ITGA11: variants seen among roughly 807,000 people sequenced by gnomAD.
ITGA11 encodes the protein integrin subunit alpha 11, also known as integrin alpha-11.
Under a neutral mutation model 141.9 loss-of-function variants are expected in ITGA11, and 97 were observed. That is an observed-to-expected ratio of 0.68 (90% CI 0.58 to 0.81). ITGA11 has a LOEUF of 0.81. Ranked by LOEUF, ITGA11 falls within the 30% of genes least tolerant of loss-of-function variation. The probability of loss-of-function intolerance (pLI) is 0.00; values close to 1 mark genes in which losing one functional copy is unlikely to be tolerated. For synonymous variants in ITGA11, 658 were observed against 624.6 expected (o/e 1.05, Z -0.80); for missense variants, 1,387 against 1,559.2 (o/e 0.89, Z 1.86).
chr15:68,374,303 A>G (rs1249907057), intron 2 of ITGA11, among the ~76,000 whole-genome samples: 2 of 152,236 alleles, frequency 1.3e-5, no homozygotes, highest in Middle Eastern at 3.2e-3. Flanking sequence ...TCCTGTGTGC[A>G]TCCCACATAT....
chr15:68,357,113 G>T (rs770017826), intron 7 of ITGA11, 38 bp downstream of exon 7: 9 of 1,598,194 alleles, frequency 5.6e-6, no homozygotes, highest in Non-Finnish European at 7.7e-6. Flanking sequence ...TAGCATCTGA[G>T]ATCTAAAAAA....
At chr15:68,350,815 A>G (rs1279296859) in intron 8 of ITGA11, 33 bp from the exon 9 acceptor site, 1 of 1,594,180 alleles carries the variant, frequency 6.3e-7, no homozygotes. Flanking sequence ...ACCACAAACC[A>G]GAACATAGCA....
At chr15:68,403,094 C>T in intron 1 of ITGA11, 65 bp from the exon 2 acceptor site, 1 of 1,090,416 alleles carries the variant, frequency 9.2e-7, no homozygotes, top group Non-Finnish European at 1.4e-6. Flanking sequence ...AGGCCCTGGG[C>T]TGTGTCAGGA....
At chr15:68,359,259 T>C (rs1026575253) in intron 5 of ITGA11, among the ~76,000 whole-genome samples, 1 of 152,218 alleles carries the variant, frequency 6.6e-6, no homozygotes, top group African/African-American at 2.4e-5. Flanking sequence ...AGGAAACCAC[T>C]GAGTTAATAT....
chr15:68,394,877 C>T (rs1242752188), intron 2 of ITGA11, among the ~76,000 whole-genome samples: 2 of 152,140 alleles, frequency 1.3e-5, no homozygotes, highest in African/African-American at 4.8e-5. Context: ...GAAGGAGTAG[C>T]AAATCTGAAT....
At chr15:68,387,867 C>G (rs1896024016) in intron 2 of ITGA11, among the ~76,000 whole-genome samples, 1 of 152,144 alleles carries the variant, frequency 6.6e-6, no homozygotes, top group Non-Finnish European at 1.5e-5. Context: ...ACCCTTCTCT[C>G]TCCGCCTTCT....
intron 2 of ITGA11, among the ~76,000 whole-genome samples, chr15:68,387,821 TCTC>T (rs1249092644): frequency 1.3e-5 from 2 of 151,924 alleles, no homozygotes; most frequent in Non-Finnish European, 2.9e-5. Context: ...CTCACAATCC[TCTC>T]CTCTTCTGCC....
chr15:68,310,809 G>A (rs1378313528), intron 26 of ITGA11, among the ~76,000 whole-genome samples, 185 bp downstream of exon 26: 1 of 152,228 alleles, frequency 6.6e-6, no homozygotes, highest in Non-Finnish European at 1.5e-5. Context: ...TGAGACGGGG[G>A]ACTCACACAG....
chr15:68,407,227 C>T (rs961544892), intron 1 of ITGA11, among the ~76,000 whole-genome samples: 113 of 152,204 alleles, frequency 7.4e-4, no homozygotes, highest in Non-Finnish European at 3.1e-4. Context: ...GTGGTGGGGG[C>T]CCAGGGGAAG....
rs1893081164 is a variant in ITGA11 at position 68,303,058 on chromosome 15, C to G, written c.*1G>C. On this transcript the variant is annotated 3_prime_UTR_variant, in exon 30 of 30. Coordinates refer to ENST00000315757, the MANE Select transcript of ITGA11 (RefSeq NM_001004439.2). The surrounding 1 kb of genome is among the most constrained non-coding windows in gnomAD (Gnocchi z 5.3). ...ATCAACTCAAAGTCTCCTCTGGAGCCTCACTCCAGCACTTTGGGGGTGGGG... is the reference window on the plus strand; with the variant it reads ...ATCAACTCAAAGTCTCCTCTGGAGCGTCACTCCAGCACTTTGGGGGTGGGG... 1 of 1,548,786 alleles carries G rather than the reference C, an allele frequency of 6.5e-7. No individual in the cohort carries two copies. Among genetic ancestry groups the G allele is most frequent in the African/African-American group, 1.4e-5 (1 of 72,966 alleles).
In ITGA11 at chr15:68,303,290, G is replaced by A. The variant is rs1265197498; in HGVS notation, c.3496-160C>T. 6.6e-6 allele frequency among the ~76,000 whole-genome samples: 1 copy of A among 152,118 alleles called. No individual in the cohort carries two copies. The highest frequency in any genetic ancestry group is 1.5e-5 in the Non-Finnish European group (1 of 68,032). ...CCCCTCCTCCAGAACTGCCTCTGTG[G>A]ACTGGAACACAGTGGATGAGACCAT... On this transcript the variant is annotated intron_variant, in intron 29 of 29. Transcript: ENST00000315757. This position sits in a 1 kb window ranked among gnomAD's most constrained non-coding sequence, Gnocchi z 5.3.
chr15:68,367,943 G>A (rs529750227), intron 3 of ITGA11, among the ~76,000 whole-genome samples: 1 of 152,190 alleles, frequency 6.6e-6, no homozygotes, highest in Non-Finnish European at 1.5e-5. Flanking sequence ...CACCAACCAG[G>A]CACCCTCTTC....
Position 68,320,208 on chromosome 15 carries a change from G to T in ITGA11, c.2593C>A (p.Gln865Lys), listed in dbSNP as rs778350154. Residue 865 changes from glutamine to lysine, a missense_variant, in exon 20 of 30, where the codon CAG (glutamine) becomes AAG (lysine). Gln to Lys is a moderately conservative substitution (Grantham distance 53). Coordinates refer to ENST00000315757, the MANE Select transcript of ITGA11 (RefSeq NM_001004439.2). The stretch of plus-strand genomic sequence containing the variant: ...ACCTTCTGGATCAAGCTGGCAAACT[G>T]CAGGTTTGCTGACTGCGAGATATTT... ...VLNISQSANL[Q>K]FASLIQKEDS... 1.2e-6 allele frequency: 2 copies of T among 1,614,022 alleles called. No homozygotes were observed. Among genetic ancestry groups the T allele is most frequent in the Non-Finnish European group, 1.7e-6 (2 of 1,179,888 alleles).
At chr15:68,410,340 G>C (rs1442271118) in intron 1 of ITGA11, among the ~76,000 whole-genome samples, 1 of 152,210 alleles carries the variant, frequency 6.6e-6, no homozygotes, top group Non-Finnish European at 1.5e-5. Flanking sequence ...GAGGGCGCTG[G>C]GATGGGGTGA....
At chr15:68,315,329 T>G (rs1043794877) in intron 22 of ITGA11, among the ~76,000 whole-genome samples, 6 of 152,208 alleles carry the variant, frequency 3.9e-5, no homozygotes, top group Admixed American at 1.3e-4. Context: ...AGGACTGAGA[T>G]TTTTGCCTGT....
At chr15:68,319,079 T>C (rs1290289753) in intron 20 of ITGA11, among the ~76,000 whole-genome samples, 1 of 152,208 alleles carries the variant, frequency 6.6e-6, no homozygotes, top group Non-Finnish European at 1.5e-5. Context: ...CTATGCGGGC[T>C]GGAGGGCCGC....
intron 22 of ITGA11, among the ~76,000 whole-genome samples, chr15:68,314,087 C>T (rs113568290): frequency 2.5e-3 from 384 of 152,298 alleles, no homozygotes; most frequent in African/African-American, 8.9e-3. Context: ...TAGGTGGAGT[C>T]AGGGGAGGGC....
intron 3 of ITGA11, among the ~76,000 whole-genome samples, chr15:68,366,437 C>G (rs1226692877): frequency 1.3e-5 from 2 of 152,174 alleles, no homozygotes; most frequent in African/African-American, 4.8e-5. Context: ...CTGATGGCAT[C>G]ACGGTGGCAG....
intron 1 of ITGA11, among the ~76,000 whole-genome samples, chr15:68,422,202 G>A (rs909509144): frequency 5.3e-5 from 8 of 152,064 alleles, no homozygotes; most frequent in African/African-American, 2.4e-5. Context: ...CTCCAAGTCC[G>A]ACTACTCACT....
Sources: allele counts gnomAD v4.1 joint callset (sites outside exome capture counted in the v4.1 genomes callset), GRCh38; gene constraint gnomAD v4.1.1; non-coding constraint Gnocchi (gnomAD v3.1); transcripts MANE v1.5; gene names NCBI Gene and HGNC (gene_info 2026-07-23, HGNC 2026-07-21).